Variants in SIK3 observed in about 807,000 individuals in gnomAD.
SIK3 encodes the protein serine/threonine-protein kinase SIK3.
Under a neutral mutation model 144.2 loss-of-function variants are expected in SIK3, and 28 were observed. The observed-to-expected ratio is 0.19, with a 90% CI of 0.14 to 0.27. The LOEUF (loss-of-function observed/expected upper bound fraction) is 0.27. Among genes scored for constraint, SIK3 ranks in the 10% least tolerant of loss-of-function variants. The pLI is 1.00. For synonymous variants in SIK3, 686 were observed against 676.3 expected (o/e 1.01, Z -0.22); for missense variants, 1,319 against 1,776.0 (o/e 0.74, Z 4.62).
intron 6 of SIK3, among the ~76,000 whole-genome samples, chr11:116,892,404 C>T (rs1395251750): frequency 6.6e-6 from 1 of 152,130 alleles, no homozygotes; most frequent in Non-Finnish European, 1.5e-5. Flanking sequence ...TTAAAAACGA[C>T]CAATAGACCT....
Position 116,940,231 on chromosome 11 carries a change from G to GTT in SIK3, c.455-12853_455-12852dup, listed in dbSNP as rs759117065. On this transcript the variant is annotated intron_variant, in intron 3 of 24. Coordinates refer to ENST00000445177, the MANE Select transcript of SIK3 (RefSeq NM_001366686.3). ...AAAAATATTCCTTTAAGGTTTTTTT[G>GTT]TTTTTTTTTTTTTTTTGAGACAGAG... Among the ~76,000 whole-genome samples, 321 of 135,764 alleles carry GTT rather than the reference G, an allele frequency of 2.4e-3. 1 individual carries two copies. Among genetic ancestry groups the GTT allele is most frequent in the African/African-American group, 7.3e-3 (272 of 37,112 alleles). The allele number at this position is 135,764 out of a possible 152,430, so 89.1% of individuals were successfully genotyped here. A position where few individuals can be genotyped will look rare whatever the true frequency, so the allele number is the denominator to read the frequency against.
chr11:116,970,820 A>G (rs772206219), intron 1 of SIK3, among the ~76,000 whole-genome samples: 10 of 151,622 alleles, frequency 6.6e-5, no homozygotes, highest in Non-Finnish European at 1.2e-4. Flanking sequence ...CAGCTAAATT[A>G]ATTTTTTTTA....
chr11:116,932,676 C>G (rs931457597), intron 3 of SIK3, among the ~76,000 whole-genome samples: 1 of 152,150 alleles, frequency 6.6e-6, no homozygotes, highest in Non-Finnish European at 1.5e-5. Flanking sequence ...TCCTCTATGC[C>G]CCACCATCCC....
At chr11:117,042,446 T>C (rs1287106224) in intron 1 of SIK3, among the ~76,000 whole-genome samples, 1 of 152,218 alleles carries the variant, frequency 6.6e-6, no homozygotes, top group East Asian at 1.9e-4. Flanking sequence ...GTGTCTGCAT[T>C]AGAAGCATTT....
chr11:116,906,488 C>T (rs1946043301), intron 4 of SIK3, among the ~76,000 whole-genome samples: 1 of 152,028 alleles, frequency 6.6e-6, no homozygotes, highest in South Asian at 2.1e-4. Context: ...AGAATTAAGG[C>T]TTCGAAAACA....
chr11:116,985,987 T>C (rs1325845169), intron 1 of SIK3, among the ~76,000 whole-genome samples: 1 of 152,130 alleles, frequency 6.6e-6, no homozygotes, highest in Non-Finnish European at 1.5e-5. Context: ...CAGATCTGGG[T>C]TTCTACTGGG....
chr11:116,898,892 T>A (rs934134392), intron 4 of SIK3, among the ~76,000 whole-genome samples: 3 of 148,590 alleles, frequency 2.0e-5, no homozygotes, highest in African/African-American at 7.4e-5. Flanking sequence ...GATGAGTAGG[T>A]TGCGAAAATT....
At chr11:117,085,646 CTTTCA>C (rs973667134) in intron 1 of SIK3, among the ~76,000 whole-genome samples, 31 of 152,250 alleles carry the variant, frequency 2.0e-4, no homozygotes, top group Non-Finnish European at 3.8e-4. Flanking sequence ...ATTCCCTCTA[CTTTCA>C]TTTATGTTTG....
intron 6 of SIK3, 114 bp downstream of exon 6, chr11:116,896,139 G>A (rs1182474243): frequency 2.1e-6 from 3 of 1,434,362 alleles, no homozygotes; most frequent in East Asian, 2.4e-5. Context: ...GCAAGCTGGA[G>A]TTAAAAAAGG....
chr11:116,934,331 T>G (rs1162462078), intron 3 of SIK3, among the ~76,000 whole-genome samples: 3 of 152,240 alleles, frequency 2.0e-5, no homozygotes, highest in Non-Finnish European at 4.4e-5. Flanking sequence ...TAAAACTATT[T>G]CCTGAACCTT....
chr11:117,097,244 T>C (rs1955515358), intron 1 of SIK3, among the ~76,000 whole-genome samples: 1 of 152,154 alleles, frequency 6.6e-6, no homozygotes, highest in Non-Finnish European at 1.5e-5. Flanking sequence ...AACTAAGGGC[T>C]CGATGAGTGT....
chr11:116,954,830 A>G (rs746906502), intron 2 of SIK3, among the ~76,000 whole-genome samples: 9 of 152,110 alleles, frequency 5.9e-5, no homozygotes, highest in Non-Finnish European at 1.3e-4. Context: ...CCTCTTCCCA[A>G]TCTCCTCCAT....
chr11:116,870,131 T>C, intron 14 of SIK3, 200 bp downstream of exon 14: 2 of 1,526,656 alleles, frequency 1.3e-6, no homozygotes, highest in Non-Finnish European at 1.8e-6. Context: ...GGACTTCCAA[T>C]GGTGCTTACA....
intron 4 of SIK3, among the ~76,000 whole-genome samples, chr11:116,917,827 G>GGAAAGGA (rs1946737916): frequency 9.5e-6 from 1 of 104,952 alleles, no homozygotes; most frequent in African/African-American, 4.4e-5. Context: ...GAAGAAGAAG[G>GGAAAGGA]AAGGAAAGGA....
intron 1 of SIK3, among the ~76,000 whole-genome samples, chr11:116,961,314 T>G (rs1381450340): frequency 6.6e-6 from 1 of 152,068 alleles, no homozygotes; most frequent in East Asian, 1.9e-4. Flanking sequence ...AGCTGCAAAC[T>G]GGAAAGTGGG....
intron 21 of SIK3, among the ~76,000 whole-genome samples, chr11:116,856,053 C>G (rs640621): frequency 0.46 from 69,654 of 151,852 alleles, 18,825 homozygotes; most frequent in Non-Finnish European, 0.63. Context: ...AAAAATTAGC[C>G]GGGCGTGGTG....
rs11216191 is a variant in SIK3, at chr11:116,934,807, C to T, written c.455-7427G>A. ...AAATCAGCCAGGCATAGGCCGGGCG[C>T]GGTGGCTCACCTCTATAATCCCAGC... On this transcript the variant is annotated intron_variant, in intron 3 of 24. Coordinates refer to ENST00000445177, the MANE Select transcript of SIK3 (RefSeq NM_001366686.3). Among the ~76,000 whole-genome samples the T allele has an allele frequency of 7.6e-3, 1,164 of 152,162 alleles. 14 individuals are homozygous for T. The highest frequency in any genetic ancestry group is 0.024 in the African/African-American group (993 of 41,492).
chr11:116,858,651 T>C lies in SIK3; in HGVS notation c.2814A>G (p.Leu938=). The change falls in exon 21 of 25, where the codon TTA becomes TTG. Residue 938 remains leucine (L), a synonymous_variant. Coordinates refer to ENST00000445177, the MANE Select transcript of SIK3 (RefSeq NM_001366686.3). The surrounding 1 kb of genome is among the most constrained non-coding windows in gnomAD (Gnocchi z 5.4). ...ACTGGTCCGAAAACAGATGGGGGTGTAAATGCGCCTGGTCGTAGTTAGCAG... is the reference window on the plus strand; with the variant it reads ...ACTGGTCCGAAAACAGATGGGGGTGCAAATGCGCCTGGTCGTAGTTAGCAG... The part of the protein sequence containing the change: ...FSPANYDQAH[L]HPHLFSDQSR... The C allele has an allele frequency of 6.3e-7, 1 of 1,580,904 alleles. No individual in the cohort carries two copies. The highest frequency in any genetic ancestry group is 1.7e-4 in the Middle Eastern group (1 of 5,872).
chr11:116,905,976 T>C (rs1293958941), intron 4 of SIK3, among the ~76,000 whole-genome samples: 1 of 152,236 alleles, frequency 6.6e-6, no homozygotes, highest in African/African-American at 2.4e-5. Context: ...CCAACTTATC[T>C]GTATTTCCTT....
Sources: allele counts gnomAD v4.1 joint callset (sites outside exome capture counted in the v4.1 genomes callset), GRCh38; gene constraint gnomAD v4.1.1; non-coding constraint Gnocchi (gnomAD v3.1); transcripts MANE v1.5; gene names NCBI Gene and HGNC (gene_info 2026-07-23, HGNC 2026-07-21).